Variants in ARHGAP42 observed in about 807,000 individuals in gnomAD.
ARHGAP42 encodes rho GTPase-activating protein 42.
ARHGAP42 carries 63 observed loss-of-function variants against 125.0 expected under a neutral mutation model. The ratio of observed to expected loss-of-function variants is 0.50; its 90% CI spans 0.41 to 0.62. The LOEUF (loss-of-function observed/expected upper bound fraction) is 0.62. ARHGAP42 is among the 20% of genes least tolerant of loss of function. ARHGAP42 has a pLI of 0.00. For synonymous variants in ARHGAP42, 339 were observed against 351.0 expected, an observed-to-expected ratio of 0.97 and a Z score of 0.38; for missense variants, 766 against 1,024.2, an observed-to-expected ratio of 0.75 and a Z score of 3.44.
At chr11:100,888,759 G>C (rs919531559) in intron 4 of ARHGAP42, among the ~76,000 whole-genome samples, 1 of 152,158 alleles carries the variant, frequency 6.6e-6, no homozygotes, top group African/African-American at 2.4e-5. Flanking sequence ...AGGAACAAGA[G>C]CAACTTCTCC....
At chr11:100,911,653 A>G (rs578152960) in intron 4 of ARHGAP42, among the ~76,000 whole-genome samples, 2 of 152,266 alleles carry the variant, frequency 1.3e-5, no homozygotes, top group Middle Eastern at 3.4e-3. Context: ...ATTAAAGAGT[A>G]ACATCCACCA....
At chr11:100,836,524 A>AATCAGT (rs1186834993) in intron 3 of ARHGAP42, among the ~76,000 whole-genome samples, 1 of 152,056 alleles carries the variant, frequency 6.6e-6, no homozygotes, top group Non-Finnish European at 1.5e-5. Context: ...ACCAAGTTTG[A>AATCAGT]ATCAGTAGGA....
At chr11:100,934,449 G>C (rs918930120) in intron 7 of ARHGAP42, among the ~76,000 whole-genome samples, 4 of 151,600 alleles carry the variant, frequency 2.6e-5, no homozygotes, top group Non-Finnish European at 4.4e-5. Flanking sequence ...TTCCATACAG[G>C]CCACCTATTT....
Position 100,849,590 on chromosome 11 carries a change from TG to T in ARHGAP42, c.313-9962del, listed in dbSNP as rs377410687. ...TTTCTCTTTCAGTTAATTTTTTTTT[TG>T]GTTTTATTTTTAACAACACTGTGAT... is the stretch of plus-strand genomic sequence containing the variant. On this transcript the variant is annotated intron_variant, in intron 3 of 23. Coordinates refer to ENST00000298815, the MANE Select transcript of ARHGAP42 (RefSeq NM_152432.4). Among the ~76,000 whole-genome samples the T allele has an allele frequency of 5.8e-3, 887 of 151,896 alleles. 17 individuals carry two copies. Among genetic ancestry groups the T allele is most frequent in the African/African-American group, 0.02 (837 of 41,364 alleles).
At chr11:100,880,342 G>A (rs1240060767) in intron 4 of ARHGAP42, among the ~76,000 whole-genome samples, 2 of 152,248 alleles carry the variant, frequency 1.3e-5, no homozygotes. Context: ...TTATAAGTGA[G>A]AATATACAGT....
At chr11:100,705,310 T>C (rs951997804) in intron 1 of ARHGAP42, among the ~76,000 whole-genome samples, 1 of 152,230 alleles carries the variant, frequency 6.6e-6, no homozygotes, top group Non-Finnish European at 1.5e-5. Context: ...AGTAGGATCA[T>C]TGAAGATTTA....
intron 4 of ARHGAP42, among the ~76,000 whole-genome samples, chr11:100,883,784 G>T (rs1229178094): frequency 6.6e-6 from 1 of 152,106 alleles, no homozygotes; most frequent in African/African-American, 2.4e-5. Context: ...CCAGAAATAG[G>T]GACAGATTTA....
At chr11:100,955,231 AGGGGG>A (rs1565292929) in intron 12 of ARHGAP42, among the ~76,000 whole-genome samples, 1 of 151,620 alleles carries the variant, frequency 6.6e-6, no homozygotes, top group Non-Finnish European at 1.5e-5. Flanking sequence ...CAGTTTACAG[AGGGGG>A]AAAAAAAAAG....
intron 2 of ARHGAP42, among the ~76,000 whole-genome samples, chr11:100,777,949 A>T (rs145279281): frequency 3.3e-4 from 51 of 152,288 alleles, no homozygotes; most frequent in African/African-American, 1.2e-3. Context: ...TGCAGAAGCC[A>T]TGGCGGGAGG....
At chr11:100,770,014 A>G (rs1862936016) in intron 1 of ARHGAP42, among the ~76,000 whole-genome samples, 1 of 152,164 alleles carries the variant, frequency 6.6e-6, no homozygotes, top group Non-Finnish European at 1.5e-5. Flanking sequence ...TGCTCCATTT[A>G]TGGTGAGTGA....
At chr11:100,895,493 CTTT>C (rs55789058) in intron 4 of ARHGAP42, among the ~76,000 whole-genome samples, 13 of 123,442 alleles carry the variant, frequency 1.1e-4, no homozygotes, top group Non-Finnish European at 8.5e-5. Context: ...AAAAGAGCAA[CTTT>C]TTTTTTTTTT....
At chr11:100,889,873 A>C (rs770000608) in intron 4 of ARHGAP42, among the ~76,000 whole-genome samples, 18 of 151,942 alleles carry the variant, frequency 1.2e-4, no homozygotes, top group Non-Finnish European at 1.8e-4. Context: ...TCACCTTCCC[A>C]AGGTGGGTCC....
chr11:100,916,495 A>G (rs1867069729), intron 5 of ARHGAP42, among the ~76,000 whole-genome samples: 1 of 152,182 alleles, frequency 6.6e-6, no homozygotes, highest in Non-Finnish European at 1.5e-5. Flanking sequence ...TATAAACTAT[A>G]ATAAAAGTGG....
At chr11:100,778,145 C>G (rs1042126110) in intron 2 of ARHGAP42, among the ~76,000 whole-genome samples, 6 of 151,908 alleles carry the variant, frequency 3.9e-5, no homozygotes, top group Non-Finnish European at 8.8e-5. Context: ...TGTACTGCAG[C>G]CTGGGTAACA....
rs894083996 is a variant in ARHGAP42 at position 100,687,811 on chromosome 11, C to T, written c.133C>T (p.Leu45=). ...CAAGGAGCTCATTAAGGACGGCTCT[C>T]TGCTCATTGGGGCGTTGAGGAGTAA... ...FIKELIKDGS[L]LIGALRNLSM... is the part of the protein sequence containing the mutation. Residue 45 remains leucine, a synonymous_variant, in exon 1 of 24, where the codon CTG becomes TTG. Transcript: ENST00000298815. 11 of 1,550,596 alleles carry T rather than the reference C, an allele frequency of 7.1e-6. No individual in the cohort carries two copies. Among genetic ancestry groups the T allele is most frequent in the East Asian group, 4.9e-5 (2 of 40,888 alleles).
chr11:100,690,988 C>T (rs1025410715), intron 1 of ARHGAP42, among the ~76,000 whole-genome samples: 3 of 152,182 alleles, frequency 2.0e-5, no homozygotes, highest in African/African-American at 7.2e-5. Flanking sequence ...TTGGATTTGA[C>T]TTTTGGTGTT....
At chr11:100,699,979 C>G (rs1321194282) in intron 1 of ARHGAP42, among the ~76,000 whole-genome samples, 1 of 152,154 alleles carries the variant, frequency 6.6e-6, no homozygotes, top group Non-Finnish European at 1.5e-5. Flanking sequence ...ATGTATCACT[C>G]CAATCTCTGC....
At chr11:100,890,594 G>A (rs572882519) in intron 4 of ARHGAP42, among the ~76,000 whole-genome samples, 6 of 152,218 alleles carry the variant, frequency 3.9e-5, no homozygotes, top group Admixed American at 3.9e-4. Context: ...ATTAAAGGCT[G>A]TACTCATAAT....
At chr11:100,966,240 G>T (rs1008700013) in intron 17 of ARHGAP42, among the ~76,000 whole-genome samples, 2 of 152,176 alleles carry the variant, frequency 1.3e-5, no homozygotes, top group South Asian at 4.1e-4. Flanking sequence ...TTTGCTGCTA[G>T]TTTATTCATA....
Sources: gnomAD v4.1 joint callset for allele counts (sites outside exome capture counted in the v4.1 genomes callset) on GRCh38, gnomAD v4.1.1 for gene constraint, MANE v1.5 for transcripts, NCBI Gene and HGNC (gene_info 2026-07-23, HGNC 2026-07-21) for gene names.